The following PIK3C3 variants were observed in gnomAD, a reference collection of about 807,000 sequenced individuals.
PIK3C3 encodes the protein PI3-kinase type 3.
In PIK3C3, 95 loss-of-function variants were observed where a neutral mutation model predicts 126.1. The observed-to-expected ratio is 0.75, with a 90% CI of 0.64 to 0.89. The LOEUF is 0.89. Ranked by LOEUF, PIK3C3 falls within the 40% of genes least tolerant of loss-of-function variation. The pLI is 0.00. For synonymous variants in PIK3C3, 374 were observed against 360.0 expected (o/e 1.04, Z -0.44); for missense variants, 829 against 1,063.2 (o/e 0.78, Z 3.06).
At chr18:41,992,762 G>A (rs1159730308) in intron 6 of PIK3C3, among the ~76,000 whole-genome samples, 2 of 152,074 alleles carry the variant, frequency 1.3e-5, no homozygotes, top group Non-Finnish European at 2.9e-5. Flanking sequence ...TGATTCTCTA[G>A]CTGTGTGTAA....
intron 24 of PIK3C3, among the ~76,000 whole-genome samples, chr18:42,076,591 C>T (rs1261613839): frequency 6.6e-6 from 1 of 152,170 alleles, no homozygotes; most frequent in Non-Finnish European, 1.5e-5. Flanking sequence ...CCCATTAAAA[C>T]ACATGATATT....
At chr18:42,069,373 T>A (rs757404456) in intron 24 of PIK3C3, among the ~76,000 whole-genome samples, 3 of 152,190 alleles carry the variant, frequency 2.0e-5, no homozygotes, top group Non-Finnish European at 4.4e-5. Flanking sequence ...CAGAGAGATA[T>A]CATGACCACT....
intron 4 of PIK3C3, chr18:41,970,974 C>G (rs1980637355): frequency 1.3e-5 from 2 of 157,396 alleles, no homozygotes; most frequent in African/African-American, 2.4e-5. Flanking sequence ...GAAGCTTATG[C>G]CACTTGGAAG....
In PIK3C3 at chr18:41,993,487, G is replaced by A. The variant is rs374355251; in HGVS notation, c.786+146G>A. On this transcript the variant is annotated intron_variant, in intron 7 of 24. Transcript: ENST00000262039. The stretch of plus-strand genomic sequence containing the variant: ...TTCATAAATTCACTTTAGCATCTAG[G>A]CACTGTTTCTGATGGAATTTTATGA... 8.3e-4 allele frequency: 496 copies of A among 596,184 alleles called. 1 individual carries two copies. Among genetic ancestry groups the A allele is most frequent in the African/African-American group, 7.7e-3 (411 of 53,580 alleles). 36.9% of individuals were successfully genotyped at this position (596,184 alleles called of 1,614,324 possible).
At chr18:41,987,967 GAA>G (rs1981580068) in intron 5 of PIK3C3, 69 bp downstream of exon 5, 1 of 917,160 alleles carries the variant, frequency 1.1e-6, no homozygotes, top group African/African-American at 1.7e-5. Flanking sequence ...TTTTTGATAA[GAA>G]TTATTATTAG....
intron 9 of PIK3C3, among the ~76,000 whole-genome samples, chr18:41,999,557 TATTC>T (rs1269133487): frequency 6.6e-6 from 1 of 152,174 alleles, no homozygotes; most frequent in African/African-American, 2.4e-5. Flanking sequence ...GTTCAGCAAG[TATTC>T]ATTATCACCT....
intron 18 of PIK3C3, among the ~76,000 whole-genome samples, chr18:42,040,434 A>G (rs934991126): frequency 5.3e-5 from 8 of 152,076 alleles, no homozygotes; most frequent in Admixed American, 1.3e-4. Context: ...CTCATATTTT[A>G]TAATAGAAAT....
chr18:42,013,519 A>G lies in PIK3C3; in HGVS notation c.1248A>G (p.Glu416=), dbSNP rs765307400. 3 of 1,599,006 alleles carry G rather than the reference A, an allele frequency of 1.9e-6. No individual in the cohort carries two copies. The highest frequency in any genetic ancestry group is 2.6e-6 in the Non-Finnish European group (3 of 1,169,550). ...ENFDDIKNGL[E]PTKKDSQSSV... is the part of the protein sequence containing the mutation. The stretch of plus-strand genomic sequence containing the variant: ...TTGATGATATAAAGAATGGATTGGA[A>G]CCTACCAAGAAGGATAGTCAGAGTT... The change falls in exon 11 of 25, where the codon GAA becomes GAG. Residue 416 remains glutamate, a synonymous_variant. Transcript: ENST00000262039.
At chr18:42,079,170 T>C (rs1423056568) in intron 24 of PIK3C3, among the ~76,000 whole-genome samples, 2 of 152,230 alleles carry the variant, frequency 1.3e-5, no homozygotes, top group Non-Finnish European at 2.9e-5. Context: ...GGTTTTAATA[T>C]AAAGCCAGAG....
intron 15 of PIK3C3, among the ~76,000 whole-genome samples, chr18:42,032,411 C>T (rs914197359): frequency 6.6e-6 from 1 of 152,124 alleles, no homozygotes; most frequent in African/African-American, 2.4e-5. Context: ...AGCAGGGTAA[C>T]ATGAACTGAC....
chr18:41,972,719 G>A (rs537931810), intron 4 of PIK3C3, among the ~76,000 whole-genome samples: 2 of 152,190 alleles, frequency 1.3e-5, no homozygotes, highest in South Asian at 4.1e-4. Context: ...GGAAAAATGT[G>A]TCCTGTTTGT....
rs977932707 is a variant in PIK3C3, at chr18:42,065,571, C to T, written c.2523+741C>T. 2.6e-5 allele frequency among the ~76,000 whole-genome samples: 4 copies of T among 152,176 alleles called. No individual in the cohort carries two copies. The South Asian group carries it at 8.3e-4, about 32-fold the overall frequency. On this transcript the variant is annotated intron_variant, in intron 23 of 24. Coordinates refer to ENST00000262039, the MANE Select transcript of PIK3C3 (RefSeq NM_002647.4). ...TTAATTTACTTCCACAGCTTCACTG[C>T]CTGTGGAGGAACAGGAACGATGTCA...
At chr18:42,011,192 A>T (rs1982808162) in intron 10 of PIK3C3, among the ~76,000 whole-genome samples, 1 of 152,232 alleles carries the variant, frequency 6.6e-6, no homozygotes, top group Non-Finnish European at 1.5e-5. Flanking sequence ...ACGAATGAGC[A>T]GTGGCTTCAA....
intron 24 of PIK3C3, among the ~76,000 whole-genome samples, chr18:42,072,267 A>C (rs1036554566): frequency 2.0e-5 from 3 of 152,222 alleles, no homozygotes; most frequent in Admixed American, 6.5e-5. Flanking sequence ...GAGTAGATTA[A>C]TACATGCTTA....
intron 9 of PIK3C3, among the ~76,000 whole-genome samples, chr18:42,001,508 T>C (rs1441309722): frequency 1.3e-5 from 2 of 152,124 alleles, no homozygotes; most frequent in African/African-American, 4.8e-5. Context: ...AGACCTAGGG[T>C]CATTTAAAAA....
intron 21 of PIK3C3, 51 bp from the exon 22 acceptor site, chr18:42,057,832 C>T (rs1391618225): frequency 1.3e-6 from 2 of 1,520,500 alleles, no homozygotes; most frequent in Admixed American, 1.7e-5. Flanking sequence ...ATCACCTACC[C>T]AGTTCTTTAA....
Position 42,004,389 on chromosome 18 carries a change from G to A in PIK3C3, c.1018G>A (p.Asp340Asn), listed in dbSNP as rs1243354054. The change falls in exon 10 of 25, where the codon GAT becomes AAT. Residue 340 changes from aspartate (D) to asparagine (N), a missense_variant. Asp to Asn is a conservative substitution (Grantham distance 23, BLOSUM62 1). Transcript: ENST00000262039. ...AAAATTCTTGAAATGTGTTAATTGG[G>A]ATCTACCTCAAGAGGCCAAACAGGC... is the stretch of plus-strand genomic sequence containing the variant. The part of the protein sequence containing the change: ...LTKFLKCVNW[D>N]LPQEAKQALE... 2.5e-6 allele frequency: 4 copies of A among 1,611,382 alleles called. No homozygotes were observed. The South Asian group carries it at 4.4e-5, about 18-fold the overall frequency.
chr18:42,035,653 G>A lies in PIK3C3; in HGVS notation c.1839+1696G>A, dbSNP rs528248732. ...TATTAGTTATATAGAGTGTCTCTGT[G>A]TAGGGAGTTGCTACTTTGGCTCATG... On this transcript the variant is annotated intron_variant, in intron 16 of 24. Transcript: ENST00000262039. Among the ~76,000 whole-genome samples the A allele has an allele frequency of 7.9e-5, 12 of 152,224 alleles. No homozygotes were observed. In the South Asian group the frequency reaches 2.1e-3, roughly 26 times the overall value.
intron 9 of PIK3C3, among the ~76,000 whole-genome samples, chr18:42,003,999 GT>G (rs1367688482): frequency 6.6e-6 from 1 of 152,060 alleles, no homozygotes; most frequent in Non-Finnish European, 1.5e-5. Context: ...TAAAATATAG[GT>G]TTTCTCTAAG....
Sources: gnomAD v4.1 joint callset for allele counts (sites outside exome capture counted in the v4.1 genomes callset) on GRCh38, gnomAD v4.1.1 for gene constraint, MANE v1.5 for transcripts, NCBI Gene and HGNC (gene_info 2026-07-23, HGNC 2026-07-21) for gene names.